ADAMTS2: variants seen among roughly 807,000 people sequenced by gnomAD.
The protein encoded by ADAMTS2 is ADAM metallopeptidase with thrombospondin type 1 motif 2.
A neutral mutation model predicts 123.0 loss-of-function variants in ADAMTS2; 50 were observed. The observed-to-expected ratio is 0.41, with a 90% CI of 0.32 to 0.51. ADAMTS2 has a LOEUF of 0.51. ADAMTS2 is among the 20% of genes least tolerant of loss of function. The pLI is 0.35. For missense variants in ADAMTS2, 1,494 were observed against 1,705.2 expected, an observed-to-expected ratio of 0.88 and a Z score of 2.18; for synonymous variants, 678 against 695.4, an observed-to-expected ratio of 0.98 and a Z score of 0.39.
Position 179,152,180 on chromosome 5 carries a change from CCTTCTTGGTCTTGCAA to C in ADAMTS2, c.1575_1590del (p.Phe525LeufsTer24), listed in dbSNP as rs1404410272. The stretch of plus-strand genomic sequence containing the variant: ...CACATAGTCCCGTCCAAGGGGGGCC[CCTTCTTGGTCTTGCAA>C]AAGTAGGGGTTGTCAGGATGGCTGC... On this transcript the variant is annotated frameshift_variant, in exon 10 of 22. Coordinates refer to ENST00000251582, the MANE Select transcript of ADAMTS2 (RefSeq NM_014244.5). LOFTEE classifies it high-confidence loss of function. The C allele has an allele frequency of 6.2e-7, 1 of 1,613,924 alleles. No individual in the cohort carries two copies. The highest frequency in any genetic ancestry group is 8.5e-7 in the Non-Finnish European group (1 of 1,179,956).
At chr5:179,311,255 G>A (rs1482414025) in intron 2 of ADAMTS2, among the ~76,000 whole-genome samples, 1 of 152,188 alleles carries the variant, frequency 6.6e-6, no homozygotes, top group Admixed American at 6.5e-5. Context: ...GCTGGCCTCT[G>A]GCTGGCCACT....
In ADAMTS2 at chr5:179,262,696, C is replaced by T. The variant is rs77483734; in HGVS notation, c.688+10215G>A. On this transcript the variant is annotated intron_variant, in intron 3 of 21. Transcript: ENST00000251582. The surrounding 1 kb of genome is among the most constrained non-coding windows in gnomAD (Gnocchi z 5.9). ...CAACCTGGGGCGCCTCCCTCCCTTACCTGCCTTCTCACGCTGCCCTTTCAC... is the reference window on the plus strand; with the variant it reads ...CAACCTGGGGCGCCTCCCTCCCTTATCTGCCTTCTCACGCTGCCCTTTCAC... 2.3e-3 allele frequency among the ~76,000 whole-genome samples: 355 copies of T among 152,350 alleles called. 1 individual carries two copies. Among genetic ancestry groups the T allele is most frequent in the Non-Finnish European group, 4.3e-3 (293 of 68,032 alleles).
chr5:179,325,932 C>T (rs1043460662), intron 2 of ADAMTS2, among the ~76,000 whole-genome samples: 7 of 152,252 alleles, frequency 4.6e-5, no homozygotes, highest in African/African-American at 1.7e-4. Flanking sequence ...GCCTCTGGGC[C>T]ACACCCTCCG....
At chr5:179,193,794 C>A (rs1226915080) in intron 4 of ADAMTS2, among the ~76,000 whole-genome samples, 1 of 152,214 alleles carries the variant, frequency 6.6e-6, no homozygotes, top group Admixed American at 6.5e-5. Flanking sequence ...TTGTGGGAGT[C>A]CCTAACCCTG....
At chr5:179,288,625 C>A (rs1194057930) in intron 2 of ADAMTS2, among the ~76,000 whole-genome samples, 1 of 152,212 alleles carries the variant, frequency 6.6e-6, no homozygotes, top group Admixed American at 6.5e-5. Context: ...GGACAGCAGC[C>A]GCCAGGGCCC....
chr5:179,131,426 T>C (rs1418693686), intron 15 of ADAMTS2, among the ~76,000 whole-genome samples: 2 of 149,758 alleles, frequency 1.3e-5, no homozygotes, highest in Non-Finnish European at 3.0e-5. Context: ...TAAAAGGGCA[T>C]GGTATGTTTG....
chr5:179,221,944 G>A (rs1765136985), intron 3 of ADAMTS2, among the ~76,000 whole-genome samples: 1 of 152,078 alleles, frequency 6.6e-6, no homozygotes, highest in Non-Finnish European at 1.5e-5. Flanking sequence ...TGTCCTTCAC[G>A]CCTGGCTGTG....
Position 179,181,101 on chromosome 5 carries a change from C to T in ADAMTS2, c.946G>A (p.Val316Met). 1 of 1,613,964 alleles carries T rather than the reference C, an allele frequency of 6.2e-7. No individual in the cohort carries two copies. Among genetic ancestry groups the T allele is most frequent in the Non-Finnish European group, 8.5e-7 (1 of 1,179,970 alleles). Residue 316 changes from valine to methionine, a missense_variant, in exon 5 of 22, where the codon GTG (valine) becomes ATG (methionine). Val to Met is a conservative substitution (Grantham distance 21). Around this residue, in one of 6 missense-constraint regions of ADAMTS2, gnomAD observed 70 missense variants for 85.3 expected, o/e 0.82. Coordinates refer to ENST00000251582, the MANE Select transcript of ADAMTS2 (RefSeq NM_014244.5). This position sits in a 1 kb window ranked among gnomAD's most constrained non-coding sequence, Gnocchi z 4.1. ...CCATAGCTCAGGAGGATGATCCGCA[C>T]CAGGACCACGTTGATGTGGGCACCC... ...SLGAHINVVL[V>M]RIILLSYGKS...
At chr5:179,254,632 A>T (rs1274367000) in intron 3 of ADAMTS2, among the ~76,000 whole-genome samples, 1 of 152,176 alleles carries the variant, frequency 6.6e-6, no homozygotes, top group Non-Finnish European at 1.5e-5. Context: ...AGCCCACAAG[A>T]ATATTCTCTA....
intron 3 of ADAMTS2, among the ~76,000 whole-genome samples, chr5:179,264,046 G>A (rs200166538): frequency 1.3e-5 from 2 of 152,252 alleles, no homozygotes; most frequent in South Asian, 2.1e-4. Flanking sequence ...TTTGGACCTC[G>A]GACCCAAATG....
chr5:179,304,108 T>G (rs1756606026), intron 2 of ADAMTS2, among the ~76,000 whole-genome samples: 1 of 152,160 alleles, frequency 6.6e-6, no homozygotes, highest in Non-Finnish European at 1.5e-5. Flanking sequence ...TTGATCAGAA[T>G]AGGACTGCAC....
intron 3 of ADAMTS2, among the ~76,000 whole-genome samples, chr5:179,271,604 G>C (rs747911640): frequency 6.6e-5 from 10 of 152,182 alleles, no homozygotes; most frequent in Non-Finnish European, 1.3e-4. Context: ...TCGAGGCTGA[G>C]ACCACAGCTG....
intron 5 of ADAMTS2, among the ~76,000 whole-genome samples, chr5:179,171,777 A>G (rs4700786): frequency 0.081 from 12,395 of 152,214 alleles, 511 homozygotes; most frequent in East Asian, 0.15. Flanking sequence ...TTAGGAGCAG[A>G]AAAAAAGGCC....
chr5:179,151,051 C>T (rs925355875), intron 10 of ADAMTS2: 6 of 282,158 alleles, frequency 2.1e-5, no homozygotes, highest in East Asian at 2.4e-4. Flanking sequence ...CACCCACCAC[C>T]GCGCCCAGCT....
At chr5:179,316,266 A>T (rs1756996753) in intron 2 of ADAMTS2, among the ~76,000 whole-genome samples, 1 of 152,184 alleles carries the variant, frequency 6.6e-6, no homozygotes, top group Non-Finnish European at 1.5e-5. Context: ...CCCCATTCCG[A>T]GGCCAGAGCC....
intron 2 of ADAMTS2, among the ~76,000 whole-genome samples, chr5:179,319,367 C>T (rs1428541611): frequency 2.0e-5 from 3 of 152,220 alleles, no homozygotes; most frequent in Non-Finnish European, 4.4e-5. Context: ...ACATGTGTAT[C>T]ATATGCAGGT....
chr5:179,253,362 G>A (rs548767612), intron 3 of ADAMTS2, among the ~76,000 whole-genome samples: 19 of 152,072 alleles, frequency 1.2e-4, no homozygotes, highest in Non-Finnish European at 2.2e-4. Context: ...AAGACATCCC[G>A]GCCGGGCGCA....
intron 4 of ADAMTS2, among the ~76,000 whole-genome samples, chr5:179,194,680 G>A (rs770824070): frequency 7.9e-5 from 12 of 152,140 alleles, no homozygotes; most frequent in African/African-American, 1.9e-4. Flanking sequence ...TCCATCTGCC[G>A]TGCTCTGGCC....
chr5:179,205,043 C>A (rs568956257), intron 4 of ADAMTS2, among the ~76,000 whole-genome samples: 1 of 152,358 alleles, frequency 6.6e-6, no homozygotes, highest in East Asian at 1.9e-4. Context: ...TTTTAAATTT[C>A]TCATGCTTTT....
Sources: gnomAD v4.1 joint callset for allele counts (sites outside exome capture counted in the v4.1 genomes callset) on GRCh38, gnomAD v4.1.1 for gene constraint, gnomAD v4.1.1 regional missense constraint, Gnocchi (gnomAD v3.1) non-coding constraint, MANE v1.5 for transcripts, NCBI Gene and HGNC (gene_info 2026-07-23, HGNC 2026-07-21) for gene names.